ZNF592: variants seen among roughly 807,000 people sequenced by gnomAD.
ZNF592 encodes zinc finger protein 592, also known as spinocerebellar ataxia, autosomal recessive 5.
A neutral mutation model predicts 80.3 loss-of-function variants in ZNF592; 11 were observed. The observed-to-expected ratio is 0.14, with a 90% CI of 0.09 to 0.23. ZNF592 has a LOEUF of 0.23. ZNF592 is among the 10% of genes least tolerant of loss of function. The pLI, the probability that ZNF592 is intolerant of heterozygous loss-of-function variation, is 1.00. For synonymous variants in ZNF592, 646 were observed against 640.3 expected, an observed-to-expected ratio of 1.01 and a Z score of -0.13; for missense variants, 1,420 against 1,633.9, an observed-to-expected ratio of 0.87 and a Z score of 2.26.
intron 2 of ZNF592, among the ~76,000 whole-genome samples, chr15:84,767,715 G>C (rs1303303784): frequency 6.6e-6 from 1 of 151,834 alleles, no homozygotes; most frequent in African/African-American, 2.4e-5. Flanking sequence ...TATAATCCCA[G>C]CTCCCTCCAG....
At chr15:84,769,229 C>G (rs1434577642) in intron 2 of ZNF592, among the ~76,000 whole-genome samples, 2 of 152,204 alleles carry the variant, frequency 1.3e-5, no homozygotes, top group East Asian at 3.9e-4. Flanking sequence ...GCATGAGCCA[C>G]TGTGCCTGGC....
intron 3 of ZNF592, among the ~76,000 whole-genome samples, chr15:84,781,102 G>C (rs1267552854): frequency 6.6e-6 from 1 of 151,960 alleles, no homozygotes; most frequent in Admixed American, 6.6e-5. Context: ...CAGGCTGGGG[G>C]CAGTGGTGCG....
At position 84,783,473 on chromosome 15, in the gene ZNF592, A is replaced by G. The variant is rs779090995; in HGVS notation, c.798A>G (p.Ser266=). The change falls in exon 4 of 11, where the codon TCA becomes TCG. Residue 266 remains serine, a synonymous_variant. Transcript: ENST00000560079. This position sits in a 1 kb window ranked among gnomAD's most constrained non-coding sequence, Gnocchi z 5.0. The part of the protein sequence containing the change: ...KGLARELGTC[S]SVPPRQRLKP... ...TTGCCCGGGAGCTTGGTACCTGCTCATCAGTCCCCCCTAGGCAGCGTCTAA... is the reference window on the plus strand; with the variant it reads ...TTGCCCGGGAGCTTGGTACCTGCTCGTCAGTCCCCCCTAGGCAGCGTCTAA... The G allele has an allele frequency of 2.5e-6, 4 of 1,614,200 alleles. No homozygotes were observed. In the South Asian group the frequency reaches 4.4e-5, roughly 18 times the overall value.
chr15:84,765,895 A>G (rs1649402060), intron 2 of ZNF592, among the ~76,000 whole-genome samples: 1 of 152,074 alleles, frequency 6.6e-6, no homozygotes, highest in African/African-American at 2.4e-5. Context: ...CATAAAGTCT[A>G]CTAGCCAAGG....
intron 1 of ZNF592, among the ~76,000 whole-genome samples, chr15:84,758,485 A>G (rs1178361879): frequency 1.3e-5 from 2 of 151,932 alleles, no homozygotes; most frequent in Non-Finnish European, 2.9e-5. Flanking sequence ...GGGTTTTGCC[A>G]TGTTGCCCAG....
intron 1 of ZNF592, among the ~76,000 whole-genome samples, chr15:84,752,958 C>G (rs907320807): frequency 6.6e-6 from 1 of 152,198 alleles, no homozygotes; most frequent in African/African-American, 2.4e-5. Flanking sequence ...TTGCTCCTCA[C>G]TTTCTGGCCA....
intron 2 of ZNF592, among the ~76,000 whole-genome samples, chr15:84,775,681 C>T (rs978960454): frequency 3.9e-5 from 6 of 152,146 alleles, no homozygotes; most frequent in East Asian, 1.9e-4. Flanking sequence ...CTGCCCACCT[C>T]GGCCTCCCGA....
chr15:84,790,522 G>A (rs1962716477), intron 4 of ZNF592, among the ~76,000 whole-genome samples, 183 bp from the exon 5 acceptor site: 1 of 152,176 alleles, frequency 6.6e-6, no homozygotes, highest in South Asian at 2.1e-4. Flanking sequence ...GCTTGCTTGG[G>A]TATCAGTATC....
intron 3 of ZNF592, among the ~76,000 whole-genome samples, 159 bp downstream of exon 3, chr15:84,778,471 G>T (rs1396418338): frequency 6.6e-6 from 1 of 152,188 alleles, no homozygotes; most frequent in African/African-American, 2.4e-5. Context: ...TTCTACACTC[G>T]TGAGGTTATA....
At chr15:84,781,550 G>A (rs1417379244) in intron 3 of ZNF592, among the ~76,000 whole-genome samples, 2 of 152,122 alleles carry the variant, frequency 1.3e-5, no homozygotes, top group African/African-American at 4.8e-5. Flanking sequence ...TGGACCTAAA[G>A]TTTGCCACTT....
intron 10 of ZNF592, among the ~76,000 whole-genome samples, 171 bp downstream of exon 10, chr15:84,800,148 G>C (rs562783793): frequency 6.6e-6 from 1 of 152,202 alleles, no homozygotes; most frequent in Non-Finnish European, 1.5e-5. Context: ...CACAAGTAGG[G>C]GATAAGGACA....
rs1226575205 is a variant in ZNF592 at position 84,777,487 on chromosome 15, A to G, written c.-149-696A>G. ...CAAGACTCCGTCTCAAAAAAAAAAA[A>G]AAAGAAAAAAAAAAGAAAGGCATGG... is the stretch of plus-strand genomic sequence containing the variant. On this transcript the variant is annotated intron_variant, in intron 2 of 10. Transcript: ENST00000560079. Among the ~76,000 whole-genome samples, 10 of 151,746 alleles carry G rather than the reference A, an allele frequency of 6.6e-5. No individual in the cohort carries two copies. In the East Asian group the frequency reaches 1.9e-3, roughly 29 times the overall value.
rs1963131942 is a variant in ZNF592 at position 84,802,542 on chromosome 15, G to T, written c.*149G>T. ...GTGTCTGCCCTGAGCTGCCAGTGCT[G>T]GGTATCCCCCAGCCCCAGGAAATGT... On this transcript the variant is annotated 3_prime_UTR_variant, in exon 11 of 11. Transcript: ENST00000560079. 1.3e-5 allele frequency: 12 copies of T among 934,446 alleles called. No individual in the cohort carries two copies. The East Asian group carries it at 1.6e-4, about 12-fold the overall frequency. The allele number at this position is 934,446 out of a possible 1,614,324, so 57.9% of individuals were successfully genotyped here. A position where few individuals can be genotyped will look rare whatever the true frequency, so the allele number is the denominator to read the frequency against.
At chr15:84,773,269 T>C (rs1596115977) in intron 2 of ZNF592, among the ~76,000 whole-genome samples, 1 of 149,970 alleles carries the variant, frequency 6.7e-6, no homozygotes, top group Non-Finnish European at 1.5e-5. Flanking sequence ...TGGAGTGCAG[T>C]GATGCGATCT....
chr15:84,766,108 G>A (rs1567061765), intron 2 of ZNF592, among the ~76,000 whole-genome samples: 1 of 151,466 alleles, frequency 6.6e-6, no homozygotes, highest in Non-Finnish European at 1.5e-5. Context: ...TTACCCCCTG[G>A]GTTCAAGCAG....
At chr15:84,772,952 T>G (rs773259987) in intron 2 of ZNF592, among the ~76,000 whole-genome samples, 1 of 152,202 alleles carries the variant, frequency 6.6e-6, no homozygotes, top group African/African-American at 2.4e-5. Flanking sequence ...GAACTTAGCA[T>G]TGCTGAGGTA....
Position 84,784,741 on chromosome 15 carries a change from G to A in ZNF592, c.2066G>A (p.Ser689Asn). Residue 689 changes from serine (S) to asparagine (N), a missense_variant, in exon 4 of 11, where the codon AGT becomes AAT. Physicochemically the swap from Ser to Asn is conservative, Grantham distance 46. Coordinates refer to ENST00000560079, the MANE Select transcript of ZNF592 (RefSeq NM_014630.3). The surrounding 1 kb of genome is among the most constrained non-coding windows in gnomAD (Gnocchi z 5.8). ...CCCAAACATGGCCTCACTTCGGGCA[G>A]TGCCAGTCCCCCTCCTCCAGCCTTG... ...SSPKHGLTSG[S>N]ASPPPPALPL... 1 of 1,614,160 alleles carries A rather than the reference G, an allele frequency of 6.2e-7. No individual in the cohort carries two copies.
At chr15:84,767,521 G>T (rs2141970761) in intron 2 of ZNF592, among the ~76,000 whole-genome samples, 1 of 152,224 alleles carries the variant, frequency 6.6e-6, no homozygotes, top group South Asian at 2.1e-4. Flanking sequence ...CAAATCTCTG[G>T]GTCCTGTTTC....
chr15:84,802,217 C>T lies in ZNF592; in HGVS notation c.3628C>T (p.Pro1210Ser), dbSNP rs1158053412. The T allele has an allele frequency of 6.3e-7, 1 of 1,599,030 alleles. No homozygotes were observed. Among genetic ancestry groups the T allele is most frequent in the African/African-American group, 1.3e-5 (1 of 74,684 alleles). The change falls in exon 11 of 11, where the codon CCC becomes TCC. Residue 1210 changes from proline to serine, a missense_variant. This residue lies in a region of ZNF592 where 145 missense variants were observed against 211.9 expected (regional missense o/e 0.68). Transcript: ENST00000560079. ...EPEEGSGEEV[P>S]METRENGLEE... The stretch of plus-strand genomic sequence containing the variant: ...AGAGGAGGGCTCCGGGGAGGAGGTG[C>T]CCATGGAGACTAGAGAGAATGGACT...
Sources: allele counts gnomAD v4.1 joint callset (sites outside exome capture counted in the v4.1 genomes callset), GRCh38; gene constraint gnomAD v4.1.1; regional missense constraint gnomAD v4.1.1; non-coding constraint Gnocchi (gnomAD v3.1); transcripts MANE v1.5; gene names NCBI Gene and HGNC (gene_info 2026-07-23, HGNC 2026-07-21).